The following PIGL variants were observed in gnomAD, a reference collection of about 807,000 sequenced individuals.
PIGL encodes phosphatidylinositol glycan anchor biosynthesis class L, also known as N-acetylglucosaminyl-phosphatidylinositol de-N-acetylase.
Under a neutral mutation model 31.1 loss-of-function variants are expected in PIGL, and 22 were observed. The observed-to-expected ratio is 0.71, with a 90% CI of 0.51 to 1.01. The LOEUF (loss-of-function observed/expected upper bound fraction) is 1.01, where lower values mean the gene tolerates loss of function less well. Among genes scored for constraint, PIGL ranks in the 50% least tolerant of loss-of-function variants. The pLI, the probability that PIGL is intolerant of heterozygous loss-of-function variation, is 0.00. For synonymous variants in PIGL, 131 were observed against 117.4 expected, an observed-to-expected ratio of 1.12 and a Z score of -0.75; for missense variants, 302 against 315.9, an observed-to-expected ratio of 0.96 and a Z score of 0.33.
At chr17:16,245,678 C>T (rs1318621581) in intron 2 of PIGL, among the ~76,000 whole-genome samples, 1 of 151,078 alleles carries the variant, frequency 6.6e-6, no homozygotes, top group African/African-American at 2.4e-5. Context: ...GCTGAGATTA[C>T]AGGTGTGAGC....
In PIGL at chr17:16,231,840, C is replaced by G. The variant is rs1317728570; in HGVS notation, c.236-2131C>G. On this transcript the variant is annotated intron_variant, in intron 1 of 6. Coordinates refer to ENST00000225609, the MANE Select transcript of PIGL (RefSeq NM_004278.4). ...ATTTTCTGTTTCCTAGAATAATGGT[C>G]TCAAACTCTTTGGTCACATTTTCCT... 2.6e-5 allele frequency among the ~76,000 whole-genome samples: 4 copies of G among 152,102 alleles called. No individual in the cohort carries two copies. In the East Asian group the frequency reaches 7.7e-4, roughly 29 times the overall value.
chr17:16,306,011 C>T (rs577302228), intron 3 of PIGL, among the ~76,000 whole-genome samples: 18 of 152,244 alleles, frequency 1.2e-4, no homozygotes, highest in African/African-American at 3.8e-4. Context: ...TACAGTGGCA[C>T]GATCTCGGCT....
Position 16,221,111 on chromosome 17 carries a change from A to C in PIGL, c.235+3650A>C, listed in dbSNP as rs1310967438. ...AAGTTGGATTCAGAGGAAATAATGA[A>C]AGACAATAAAAACATTGAGTGCCAA... On this transcript the variant is annotated intron_variant, in intron 1 of 6. Transcript: ENST00000225609. Among the ~76,000 whole-genome samples the C allele has an allele frequency of 7.2e-5, 11 of 152,206 alleles. No homozygotes were observed. In the East Asian group the frequency reaches 2.1e-3, roughly 29 times the overall value.
At chr17:16,311,444 C>G (rs75039443) in intron 3 of PIGL, among the ~76,000 whole-genome samples, 900 of 56,814 alleles carry the variant, frequency 0.016, 15 homozygotes, top group African/African-American at 0.062. Context: ...AGTGGTAAAG[C>G]CCAAAGCACA....
intron 2 of PIGL, among the ~76,000 whole-genome samples, chr17:16,258,021 C>A (rs2092801744): frequency 7.3e-6 from 1 of 136,984 alleles, no homozygotes; most frequent in Non-Finnish European, 1.5e-5. Flanking sequence ...TGAGATAGCG[C>A]CACTGCACTC....
chr17:16,294,589 C>T (rs1217965640), intron 2 of PIGL, among the ~76,000 whole-genome samples: 1 of 152,232 alleles, frequency 6.6e-6, no homozygotes, highest in Non-Finnish European at 1.5e-5. Context: ...AGGGCCAAGA[C>T]TGAGCAGCAA....
chr17:16,242,529 T>G (rs1034756124), intron 2 of PIGL, among the ~76,000 whole-genome samples: 16 of 152,134 alleles, frequency 1.1e-4, no homozygotes, highest in African/African-American at 3.4e-4. Flanking sequence ...TTGAAACTTC[T>G]GTAAAAAGCC....
intron 2 of PIGL, among the ~76,000 whole-genome samples, chr17:16,237,676 G>A (rs889467774): frequency 1.3e-4 from 19 of 151,138 alleles, no homozygotes; most frequent in South Asian, 1.1e-3. Context: ...TGGCATGCCC[G>A]AAATCCCAAC....
chr17:16,229,481 CTT>C (rs71353784), intron 1 of PIGL, among the ~76,000 whole-genome samples: 48,501 of 113,352 alleles, frequency 0.43, 8,991 homozygotes, highest in Middle Eastern at 0.52. Flanking sequence ...ACCGGTTTTC[CTT>C]TTTTTTTTTT....
At chr17:16,280,971 G>A (rs1171000872) in intron 2 of PIGL, among the ~76,000 whole-genome samples, 1 of 152,082 alleles carries the variant, frequency 6.6e-6, no homozygotes, top group Non-Finnish European at 1.5e-5. Flanking sequence ...CCAAGGTGCT[G>A]GGATTACAGG....
At chr17:16,223,122 C>G (rs1012261580) in intron 1 of PIGL, among the ~76,000 whole-genome samples, 1 of 152,182 alleles carries the variant, frequency 6.6e-6, no homozygotes, top group African/African-American at 2.4e-5. Context: ...ATATCAACAT[C>G]TTTGAGAAGC....
chr17:16,304,943 C>T (rs912984839), intron 3 of PIGL, among the ~76,000 whole-genome samples: 3 of 152,024 alleles, frequency 2.0e-5, no homozygotes, highest in Non-Finnish European at 4.4e-5. Context: ...CATCCCTGGC[C>T]ACTACCCACT....
At chr17:16,311,486 A>ATTTTTTTTTTTTTTTTT (rs1568840853) in intron 3 of PIGL, among the ~76,000 whole-genome samples, 10 of 10,336 alleles carry the variant, frequency 9.7e-4, no homozygotes, top group African/African-American at 2.2e-3. Flanking sequence ...TTTTTTGATC[A>ATTTTTTTTTTTTTTTTT]TTCTTGGGTG....
At chr17:16,278,512 G>A (rs1050643534) in intron 2 of PIGL, among the ~76,000 whole-genome samples, 3 of 152,194 alleles carry the variant, frequency 2.0e-5, no homozygotes, top group Admixed American at 6.5e-5. Flanking sequence ...GCAGATTAGT[G>A]TTCTAAGAAA....
intron 1 of PIGL, among the ~76,000 whole-genome samples, chr17:16,226,737 C>A (rs1161774311): frequency 6.6e-6 from 1 of 152,142 alleles, no homozygotes; most frequent in South Asian, 2.1e-4. Flanking sequence ...CTGTCTAGGG[C>A]AAGTTTTTTT....
intron 2 of PIGL, among the ~76,000 whole-genome samples, chr17:16,283,147 C>G (rs1247553019): frequency 6.6e-6 from 1 of 151,820 alleles, no homozygotes; most frequent in African/African-American, 2.4e-5. Context: ...GGATTACAGT[C>G]ACACATCACC....
chr17:16,304,050 A>G (rs570589913), intron 3 of PIGL, among the ~76,000 whole-genome samples: 71 of 152,266 alleles, frequency 4.7e-4, no homozygotes, highest in Non-Finnish European at 8.4e-4. Flanking sequence ...TGCTATTAAT[A>G]AGGAAACTCA....
chr17:16,320,876 C>T (rs1471627591), intron 6 of PIGL, among the ~76,000 whole-genome samples: 1 of 150,710 alleles, frequency 6.6e-6, no homozygotes, highest in African/African-American at 2.4e-5. Context: ...CGCAGGTGAT[C>T]TACCCACCTC....
chr17:16,226,473 T>C (rs1048412447), intron 1 of PIGL, among the ~76,000 whole-genome samples: 6 of 152,156 alleles, frequency 3.9e-5, no homozygotes, highest in African/African-American at 1.2e-4. Flanking sequence ...TGACCTATCC[T>C]TAAAAATCTT....
Sources: allele counts gnomAD v4.1 joint callset (sites outside exome capture counted in the v4.1 genomes callset), GRCh38; gene constraint gnomAD v4.1.1; transcripts MANE v1.5; gene names NCBI Gene and HGNC (gene_info 2026-07-23, HGNC 2026-07-21).